SLX9: variants seen among roughly 807,000 people sequenced by gnomAD.
The protein encoded by SLX9 is SLX9 ribosome biogenesis factor, also known as ribosome biogenesis protein SLX9 homolog.
SLX9 carries 19 observed loss-of-function variants against 20.8 expected under a neutral mutation model. The observed-to-expected ratio is 0.91, with a 90% confidence interval of 0.64 to 1.34. The LOEUF (loss-of-function observed/expected upper bound fraction) is 1.34, where lower values mean the gene tolerates loss of function less well. Among genes scored for constraint, SLX9 ranks in the 40% most tolerant of loss-of-function variants. The pLI, the probability that SLX9 is intolerant of heterozygous loss-of-function variation, is 0.00. For synonymous variants in SLX9, 113 were observed against 137.1 expected (o/e 0.82, Z 1.23); for missense variants, 299 against 322.2 (o/e 0.93, Z 0.55).
chr21:44,973,029 C>CACAGGACGG (rs1464487653), intron 4 of SLX9, 168 bp from the exon 5 acceptor site: 12 of 736,148 alleles, frequency 1.6e-5, no homozygotes, highest in African/African-American at 3.6e-5. Context: ...TTGTCCAGGT[C>CACAGGACGG]TCGCCTCCAT....
At chr21:44,952,820 T>A (rs1731569137) in intron 2 of SLX9, among the ~76,000 whole-genome samples, 1 of 152,180 alleles carries the variant, frequency 6.6e-6, no homozygotes, top group South Asian at 2.1e-4. Flanking sequence ...CTGGAGCTAT[T>A]TAAGGTTCTT....
chr21:44,968,969 G>T, intron 4 of SLX9: 1 of 343,762 alleles, frequency 2.9e-6, no homozygotes, highest in Non-Finnish European at 6.1e-6. Flanking sequence ...TAGCCAGGAT[G>T]GTCTAGATCT....
rs2085276105 is a variant in SLX9, at chr21:44,976,962, G to C, written c.*159G>C. On this transcript the variant is annotated 3_prime_UTR_variant, in exon 6 of 6. Transcript: ENST00000291634. ...TCTGTGAACTTCCCCTGCACTGCCA[G>C]GGCCGTTCCCATGAGCTGCTTCCCT... 9.6e-7 allele frequency: 1 copy of C among 1,041,178 alleles called. No individual in the cohort carries two copies. The highest frequency in any genetic ancestry group is 1.6e-5 in the African/African-American group (1 of 62,008). The allele number at this position is 1,041,178 out of a possible 1,614,324, so 64.5% of individuals were successfully genotyped here.
At chr21:44,961,274 C>G (rs1193551371) in intron 3 of SLX9, among the ~76,000 whole-genome samples, 1 of 151,964 alleles carries the variant, frequency 6.6e-6, no homozygotes, top group African/African-American at 2.4e-5. Context: ...TCAATTTTGG[C>G]CACTCATAAA....
chr21:44,972,543 G>A (rs932601064), intron 4 of SLX9, among the ~76,000 whole-genome samples: 1 of 152,200 alleles, frequency 6.6e-6, no homozygotes, highest in Non-Finnish European at 1.5e-5. Flanking sequence ...ATGGGGGACT[G>A]CAGTGCTCGT....
rs139035391 is a variant in SLX9 at position 44,943,380 on chromosome 21, T to C, written c.130-304T>C. 3.1e-4 allele frequency among the ~76,000 whole-genome samples: 47 copies of C among 152,086 alleles called. 1 individual carries two copies. In the East Asian group the frequency reaches 8.7e-3, roughly 28 times the overall value. On this transcript the variant is annotated intron_variant, in intron 1 of 5. Coordinates refer to ENST00000291634, the MANE Select transcript of SLX9 (RefSeq NM_058190.4). The stretch of plus-strand genomic sequence containing the variant: ...TTGTAGAAAGAGTAAGACGAAATGG[T>C]TGGGAAGGAAATTTGGTTCTTGAGA...
intron 4 of SLX9, 87 bp from the exon 5 acceptor site, chr21:44,973,110 C>CT: frequency 6.7e-7 from 1 of 1,487,048 alleles, no homozygotes; most frequent in Non-Finnish European, 9.3e-7. Flanking sequence ...GACGTCTGCT[C>CT]TAAGAAGGGA....
chr21:44,949,481 G>A (rs1047184270), intron 2 of SLX9, among the ~76,000 whole-genome samples: 3 of 152,118 alleles, frequency 2.0e-5, no homozygotes, highest in Non-Finnish European at 2.9e-5. Flanking sequence ...CCCAAAGCGC[G>A]GCCCCAGCTC....
chr21:44,945,322 C>T (rs779284412), intron 2 of SLX9, among the ~76,000 whole-genome samples: 5 of 152,214 alleles, frequency 3.3e-5, no homozygotes, highest in Non-Finnish European at 4.4e-5. Context: ...GTGGGTGGTC[C>T]GCCCGAGCTG....
chr21:44,959,501 C>T (rs1419009526), intron 2 of SLX9, among the ~76,000 whole-genome samples: 1 of 152,146 alleles, frequency 6.6e-6, no homozygotes, highest in Admixed American at 6.5e-5. Context: ...CCTTTCCCCG[C>T]CCACCGGGCA....
rs114817390 is a variant in SLX9 at position 44,944,063 on chromosome 21, C to T, written c.283+226C>T. Among the ~76,000 whole-genome samples, 435 of 152,338 alleles carry T rather than the reference C, an allele frequency of 2.9e-3. 4 individuals are homozygous for T. Among genetic ancestry groups the T allele is most frequent in the African/African-American group, 9.8e-3 (409 of 41,570 alleles). On this transcript the variant is annotated intron_variant, in intron 2 of 5. Coordinates refer to ENST00000291634, the MANE Select transcript of SLX9 (RefSeq NM_058190.4). ...CCGCAGCTCTGCAAGAACTGCTCTGCGTCCTGGCAGCCACGCTGAAGCCAC... is the reference window on the plus strand; with the variant it reads ...CCGCAGCTCTGCAAGAACTGCTCTGTGTCCTGGCAGCCACGCTGAAGCCAC...
intron 2 of SLX9, among the ~76,000 whole-genome samples, chr21:44,946,465 G>GTTT (rs1260267499): frequency 6.6e-6 from 1 of 151,314 alleles, no homozygotes; most frequent in Non-Finnish European, 1.5e-5. Flanking sequence ...CAGGGTCAGG[G>GTTT]TTTTGGGTGT....
At chr21:44,957,355 C>T (rs2146643565) in intron 2 of SLX9, among the ~76,000 whole-genome samples, 1 of 152,364 alleles carries the variant, frequency 6.6e-6, no homozygotes, top group South Asian at 2.1e-4. Flanking sequence ...TCAGTCCCCA[C>T]ACGCTGCTCG....
At position 44,960,116 on chromosome 21, in the gene SLX9, C is replaced by CTCT; in HGVS notation, c.300_301insTCT (p.Thr100_Val101insSer). The stretch of plus-strand genomic sequence containing the variant: ...TTTCCTCAGGTGCAGAGGCCAAGAC[C>CTCT]GTTTTGCCCAAGAAGGAGAAAATGA... On this transcript the variant is annotated inframe_insertion, in exon 3 of 6. Transcript: ENST00000291634. The CTCT allele has an allele frequency of 6.2e-7, 1 of 1,614,214 alleles. No homozygotes were observed. Among genetic ancestry groups the CTCT allele is most frequent in the Non-Finnish European group, 8.5e-7 (1 of 1,180,028 alleles).
rs1568951123 is a variant in SLX9 at position 44,976,939 on chromosome 21, T to C, written c.*136T>C. The C allele has an allele frequency of 3.2e-6, 4 of 1,245,308 alleles. No homozygotes were observed. The African/African-American group carries it at 4.5e-5, about 14-fold the overall frequency. The allele number at this position is 1,245,308 out of a possible 1,614,324, so 77.1% of individuals were successfully genotyped here. On this transcript the variant is annotated 3_prime_UTR_variant, in exon 6 of 6. Coordinates refer to ENST00000291634, the MANE Select transcript of SLX9 (RefSeq NM_058190.4). ...GGTTGTGGGGCTCAATAAATGGCTCTGTGAACTTCCCCTGCACTGCCAGGG... is the reference window on the plus strand; with the variant it reads ...GGTTGTGGGGCTCAATAAATGGCTCCGTGAACTTCCCCTGCACTGCCAGGG...
chr21:44,946,322 G>T (rs908675527), intron 2 of SLX9, among the ~76,000 whole-genome samples: 1 of 152,288 alleles, frequency 6.6e-6, no homozygotes, highest in South Asian at 2.1e-4. Flanking sequence ...AGCGTGGCCC[G>T]TTCTGGCGCT....
chr21:44,940,214 C>G, intron 1 of SLX9, 28 bp downstream of exon 1: 1 of 1,221,284 alleles, frequency 8.2e-7, no homozygotes. Flanking sequence ...TGGCCGGGGG[C>G]TGCCGCGTGG....
intron 4 of SLX9, among the ~76,000 whole-genome samples, chr21:44,970,930 C>G (rs1043750148): frequency 2.6e-5 from 4 of 152,366 alleles, no homozygotes; most frequent in African/African-American, 9.6e-5. Context: ...GCGCCCTGCC[C>G]TGAGGGCCTC....
At chr21:44,955,150 AGATTGC>A (rs1314064813) in intron 2 of SLX9, among the ~76,000 whole-genome samples, 1 of 151,126 alleles carries the variant, frequency 6.6e-6, no homozygotes, top group Non-Finnish European at 1.5e-5. Context: ...CAGAAGGCAG[AGATTGC>A]AAGATCGTGC....
Sources: gnomAD v4.1 joint callset for allele counts (sites outside exome capture counted in the v4.1 genomes callset) on GRCh38, gnomAD v4.1.1 for gene constraint, MANE v1.5 for transcripts, NCBI Gene and HGNC (gene_info 2026-07-23, HGNC 2026-07-21) for gene names.